Variants in ANO2 observed in about 807,000 individuals in gnomAD.
ANO2 encodes the protein anoctamin-2.
Under a neutral mutation model 124.2 loss-of-function variants are expected in ANO2, and 101 were observed. The ratio of observed to expected loss-of-function variants is 0.81; its 90% CI spans 0.69 to 0.96. The LOEUF is 0.96. ANO2 is among the 40% of genes least tolerant of loss of function. The pLI is 0.00. For synonymous variants in ANO2, 486 were observed against 482.5 expected (o/e 1.01, Z -0.09); for missense variants, 1,293 against 1,274.5 (o/e 1.01, Z -0.22).
chr12:5,644,249 G>A (rs1946524668), intron 15 of ANO2, among the ~76,000 whole-genome samples: 1 of 152,174 alleles, frequency 6.6e-6, no homozygotes, highest in African/African-American at 2.4e-5. Flanking sequence ...ACACCCAGCT[G>A]TCCCAGAAGC....
chr12:5,876,244 A>G (rs912427465), intron 3 of ANO2, among the ~76,000 whole-genome samples: 1 of 152,224 alleles, frequency 6.6e-6, no homozygotes, highest in Non-Finnish European at 1.5e-5. Flanking sequence ...TCTTCTTATA[A>G]GACCGTATTT....
chr12:5,601,180 C>T (rs6489645), intron 19 of ANO2, among the ~76,000 whole-genome samples: 124,242 of 152,016 alleles, frequency 0.82, 51,231 homozygotes, highest in Admixed American at 0.89. Context: ...AACTTGCCCA[C>T]AGGGTGAGTT....
intron 20 of ANO2, among the ~76,000 whole-genome samples, chr12:5,587,523 G>A (rs1303937218): frequency 1.3e-5 from 2 of 152,160 alleles, no homozygotes; most frequent in Non-Finnish European, 2.9e-5. Context: ...GGGCTGTGAG[G>A]GGCCTGCGGC....
intron 24 of ANO2, among the ~76,000 whole-genome samples, chr12:5,565,130 T>C (rs1174937468): frequency 6.6e-6 from 1 of 152,008 alleles, no homozygotes; most frequent in East Asian, 1.9e-4. Flanking sequence ...AAAACAACAC[T>C]AACAAAGGAG....
At chr12:5,804,605 A>G (rs907457852) in intron 9 of ANO2, among the ~76,000 whole-genome samples, 1 of 152,172 alleles carries the variant, frequency 6.6e-6, no homozygotes, top group Non-Finnish European at 1.5e-5. Context: ...TACCAGGTGG[A>G]GTGGACCCTG....
chr12:5,680,119 A>G (rs1242193071), intron 14 of ANO2, among the ~76,000 whole-genome samples: 1 of 152,168 alleles, frequency 6.6e-6, no homozygotes. Flanking sequence ...GGAACAACAC[A>G]CACTGGGGCC....
At chr12:5,825,806 A>C (rs560066922) in intron 7 of ANO2, among the ~76,000 whole-genome samples, 1 of 152,274 alleles carries the variant, frequency 6.6e-6, no homozygotes, top group East Asian at 1.9e-4. Context: ...GGGAAACCAC[A>C]ACAGCCCAAT....
At chr12:5,594,672 C>T (rs980858454) in intron 20 of ANO2, among the ~76,000 whole-genome samples, 1 of 152,036 alleles carries the variant, frequency 6.6e-6, no homozygotes, top group Non-Finnish European at 1.5e-5. Flanking sequence ...CTCACAGCTA[C>T]AAAAAAATCA....
intron 3 of ANO2, among the ~76,000 whole-genome samples, chr12:5,860,042 T>C (rs1020383728): frequency 3.9e-5 from 6 of 152,024 alleles, no homozygotes; most frequent in African/African-American, 1.4e-4. Flanking sequence ...TTGCACATGG[T>C]CTAAGGTACC....
chr12:5,668,053 C>T (rs1452834520), intron 14 of ANO2, among the ~76,000 whole-genome samples: 1 of 151,986 alleles, frequency 6.6e-6, no homozygotes, highest in African/African-American at 2.4e-5. Context: ...ATTTATATTC[C>T]TTCGGGTATA....
intron 19 of ANO2, among the ~76,000 whole-genome samples, chr12:5,603,037 A>C (rs1944018284): frequency 6.6e-6 from 1 of 152,228 alleles, no homozygotes; most frequent in Admixed American, 6.5e-5. Flanking sequence ...CTGGAGGATG[A>C]ATTTCACCAA....
intron 16 of ANO2, among the ~76,000 whole-genome samples, chr12:5,627,811 G>C (rs1398365640): frequency 6.6e-6 from 1 of 152,040 alleles, no homozygotes; most frequent in African/African-American, 2.4e-5. Context: ...TCCTGGTAGG[G>C]GCCAGGCACG....
At chr12:5,582,788 T>C (rs1303923236) in intron 20 of ANO2, among the ~76,000 whole-genome samples, 1 of 152,212 alleles carries the variant, frequency 6.6e-6, no homozygotes, top group Non-Finnish European at 1.5e-5. Context: ...CCTTGGTACA[T>C]GCCACTACTG....
intron 3 of ANO2, among the ~76,000 whole-genome samples, chr12:5,871,017 T>C (rs906468291): frequency 4.6e-5 from 7 of 152,328 alleles, no homozygotes; most frequent in Admixed American, 4.6e-4. Flanking sequence ...AAAAAACTGA[T>C]TTTTTTATTA....
chr12:5,732,677 C>A, intron 13 of ANO2, 47 bp from the exon 14 acceptor site: 1 of 1,577,266 alleles, frequency 6.3e-7, no homozygotes, highest in Non-Finnish European at 8.7e-7. Flanking sequence ...GGAAGAATGA[C>A]CTTGGCCTTA....
chr12:5,567,754 C>T (rs1941856400), intron 23 of ANO2, among the ~76,000 whole-genome samples: 1 of 152,222 alleles, frequency 6.6e-6, no homozygotes, highest in African/African-American at 2.4e-5. Flanking sequence ...TTTGTCCTCC[C>T]TCAGTGTCTA....
intron 13 of ANO2, 73 bp downstream of exon 13, chr12:5,739,244 G>A (rs1950995229): frequency 2.3e-6 from 3 of 1,324,368 alleles, no homozygotes; most frequent in South Asian, 1.3e-5. Context: ...TCTCACTCAA[G>A]AGAGTCCATT....
intron 17 of ANO2, among the ~76,000 whole-genome samples, chr12:5,614,434 TG>T (rs1398307229): frequency 5.9e-5 from 9 of 152,108 alleles, no homozygotes; most frequent in African/African-American, 2.2e-4. Context: ...GGAAGGGCAT[TG>T]GAGATCGAGT....
At chr12:5,854,725 C>T (rs1955045471) in intron 3 of ANO2, among the ~76,000 whole-genome samples, 1 of 152,150 alleles carries the variant, frequency 6.6e-6, no homozygotes, top group African/African-American at 2.4e-5. Context: ...TATATGAATA[C>T]AGAACATGAA....
Sources: gnomAD v4.1 joint callset for allele counts (sites outside exome capture counted in the v4.1 genomes callset) on GRCh38, gnomAD v4.1.1 for gene constraint, MANE v1.5 for transcripts, NCBI Gene and HGNC (gene_info 2026-07-23, HGNC 2026-07-21) for gene names.